Variants in FBXO9 observed in about 807,000 individuals in gnomAD.
FBXO9 encodes the protein F-box protein 9, also known as F-box only protein 9.
Under a neutral mutation model 63.7 loss-of-function variants are expected in FBXO9, and 43 were observed. The ratio of observed to expected loss-of-function variants is 0.67; its 90% CI spans 0.53 to 0.87. The LOEUF is 0.87. Ranked by LOEUF, FBXO9 falls within the 40% of genes least tolerant of loss-of-function variation. FBXO9 has a pLI of 0.00. For missense variants in FBXO9, 442 were observed against 533.2 expected (o/e 0.83, Z 1.68); for synonymous variants, 156 against 171.7 (o/e 0.91, Z 0.72).
chr6:53,074,730 T>C (rs1769039403), intron 3 of FBXO9, among the ~76,000 whole-genome samples: 3 of 152,348 alleles, frequency 2.0e-5, no homozygotes, highest in South Asian at 4.1e-4. Context: ...CCTTTTGAGA[T>C]TGGCTTTTTT....
intron 7 of FBXO9, among the ~76,000 whole-genome samples, chr6:53,086,419 G>A (rs971081557): frequency 1.3e-5 from 2 of 152,108 alleles, no homozygotes; most frequent in African/African-American, 2.4e-5. Context: ...AAGCACAGGC[G>A]TTATATTGAT....
chr6:53,092,109 A>C (rs1763055547), intron 7 of FBXO9: 1 of 252,160 alleles, frequency 4.0e-6, no homozygotes, highest in Non-Finnish European at 7.7e-6. Flanking sequence ...TGAGATACTT[A>C]TCCCCATCAC....
At chr6:53,067,923 GC>G (rs1768765124) in intron 1 of FBXO9, 1 of 152,108 alleles carries the variant, frequency 6.6e-6, no homozygotes, top group South Asian at 2.1e-4. Flanking sequence ...TTTACAGTGT[GC>G]CCAGCATTTT....
intron 4 of FBXO9, among the ~76,000 whole-genome samples, chr6:53,077,340 G>A (rs905429671): frequency 1.3e-5 from 2 of 151,064 alleles, no homozygotes; most frequent in African/African-American, 4.8e-5. Flanking sequence ...CGGCGTAGTG[G>A]CGGGCGCCTG....
At chr6:53,092,876 A>G (rs1763084520) in intron 9 of FBXO9, 52 bp downstream of exon 9, 4 of 1,203,248 alleles carry the variant, frequency 3.3e-6, no homozygotes, top group Non-Finnish European at 4.8e-6. Context: ...TCCATGTATT[A>G]GTTAAATGGA....
chr6:53,094,965 C>T (rs1401462650), intron 11 of FBXO9: 3 of 182,276 alleles, frequency 1.6e-5, no homozygotes, highest in East Asian at 1.7e-4. Flanking sequence ...ATAGTGTTTA[C>T]ATTTTTTTGT....
At chr6:53,088,346 A>T (rs948566288) in intron 7 of FBXO9, among the ~76,000 whole-genome samples, 1 of 152,204 alleles carries the variant, frequency 6.6e-6, no homozygotes, top group South Asian at 2.1e-4. Context: ...AGGTTTTTGA[A>T]TGATGATAAT....
chr6:53,076,594 C>G (rs1406582511), intron 4 of FBXO9, 51 bp downstream of exon 4: 30 of 1,260,786 alleles, frequency 2.4e-5, no homozygotes, highest in Non-Finnish European at 3.2e-5. Flanking sequence ...AATAATGACT[C>G]TGTTATTAAC....
At position 53,065,787 on chromosome 6, in the gene FBXO9, A is replaced by G. The variant is rs746918601; in HGVS notation, c.-3A>G. Reference sequence around the variant, plus strand: ...CTCGAGCGCAGCAGGCCGCCCCGCCAGCATGGTAACCTGGCCAGGGGGCTC... The same window carrying G: ...CTCGAGCGCAGCAGGCCGCCCCGCCGGCATGGTAACCTGGCCAGGGGGCTC... On this transcript the variant is annotated 5_prime_UTR_variant, in exon 1 of 13. Coordinates refer to ENST00000323557, the MANE Select transcript of FBXO9 (RefSeq NM_033480.3). 1.5e-5 allele frequency: 21 copies of G among 1,389,148 alleles called. No individual in the cohort carries two copies. The South Asian group carries it at 3.1e-4, about 20-fold the overall frequency. 86.1% of individuals were successfully genotyped at this position (1,389,148 alleles called of 1,614,324 possible).
At chr6:53,073,113 T>C (rs1768976037) in intron 2 of FBXO9, among the ~76,000 whole-genome samples, 1 of 152,218 alleles carries the variant, frequency 6.6e-6, no homozygotes, top group African/African-American at 2.4e-5. Context: ...TACAGAATTT[T>C]TGGCAGCATT....
rs62412986 is a variant in FBXO9, at chr6:53,099,491, A to G, written c.*1661A>G. On this transcript the variant is annotated 3_prime_UTR_variant, in exon 13 of 13. Transcript: ENST00000323557. ...TGTGGTGACTCACACCTATAATCCCAATACTTTGGGAGGCCAAGGCAGGAG... is the reference window on the plus strand; with the variant it reads ...TGTGGTGACTCACACCTATAATCCCGATACTTTGGGAGGCCAAGGCAGGAG... 6,901 of 152,260 alleles carry G rather than the reference A, an allele frequency of 0.045. 221 individuals are homozygous for G. The highest frequency in any genetic ancestry group is 0.074 in the Non-Finnish European group (5,036 of 68,134). 9.4% of individuals were successfully genotyped at this position (152,260 alleles called of 1,614,324 possible). A position where few individuals can be genotyped will look rare whatever the true frequency, so the allele number is the denominator to read the frequency against.
chr6:53,088,728 A>G (rs1180225424), intron 7 of FBXO9, among the ~76,000 whole-genome samples: 3 of 150,082 alleles, frequency 2.0e-5, no homozygotes, highest in African/African-American at 7.4e-5. Context: ...TCTCCCGAGT[A>G]GCCGAGATTA....
chr6:53,087,292 T>C (rs1210027572), intron 7 of FBXO9, among the ~76,000 whole-genome samples: 4 of 139,030 alleles, frequency 2.9e-5, no homozygotes, highest in African/African-American at 1.1e-4. Flanking sequence ...TAATAAACCG[T>C]GATCATGCCA....
intron 7 of FBXO9, among the ~76,000 whole-genome samples, chr6:53,090,681 A>G (rs1190056712): frequency 1.3e-5 from 2 of 152,116 alleles, no homozygotes; most frequent in African/African-American, 4.8e-5. Context: ...TCATTTACTT[A>G]TTTATGAATG....
chr6:53,075,734 A>ATTTTTTTTTTTTTTTTTTTTTTTT lies in FBXO9; in HGVS notation c.250-750_250-749insTTTTTTTTTTTTTTTTTTTTTTTT, dbSNP rs761159029. ...TAATTGGATTACATATATATATATAATTATTTTTTTTTTTTTTTTTTTTTT... is the reference window on the plus strand; with the variant it reads ...TAATTGGATTACATATATATATATAATTTTTTTTTTTTTTTTTTTTTTTTTTATTTTTTTTTTTTTTTTTTTTTT... On this transcript the variant is annotated intron_variant, in intron 3 of 12. Coordinates refer to ENST00000323557, the MANE Select transcript of FBXO9 (RefSeq NM_033480.3). 1.2e-4 allele frequency among the ~76,000 whole-genome samples: 10 copies of ATTTTTTTTTTTTTTTTTTTTTTTT among 82,174 alleles called. 5 individuals carry two copies. The highest frequency in any genetic ancestry group is 3.7e-4 in the Admixed American group (2 of 5,374). The allele number at this position is 82,174 out of a possible 152,430, so 53.9% of individuals were successfully genotyped here.
chr6:53,065,833 G>T, intron 1 of FBXO9, 41 bp downstream of exon 1: 1 of 1,315,370 alleles, frequency 7.6e-7, no homozygotes, highest in South Asian at 2.0e-5. Context: ...GCCGCGGGGC[G>T]GGAGCGTGGT....
chr6:53,075,744 T>A (rs1562065276), intron 3 of FBXO9, among the ~76,000 whole-genome samples: 2 of 114,676 alleles, frequency 1.7e-5, no homozygotes, highest in African/African-American at 6.6e-5. Context: ...ATTATTTTTT[T>A]TTTTTTTTTT....
At chr6:53,084,056 A>G (rs574605241) in intron 7 of FBXO9, among the ~76,000 whole-genome samples, 3 of 152,330 alleles carry the variant, frequency 2.0e-5, no homozygotes, top group Admixed American at 1.3e-4. Flanking sequence ...TGTCTATTCC[A>G]TAGTCTTTGT....
chr6:53,094,700 G>C, intron 11 of FBXO9: 1 of 417,826 alleles, frequency 2.4e-6, no homozygotes, highest in Non-Finnish European at 4.8e-6. Context: ...AGACAGGGCA[G>C]AGTTTCATCT....
Sources: gnomAD v4.1 joint callset for allele counts (sites outside exome capture counted in the v4.1 genomes callset) on GRCh38, gnomAD v4.1.1 for gene constraint, MANE v1.5 for transcripts, NCBI Gene and HGNC (gene_info 2026-07-23, HGNC 2026-07-21) for gene names.